The following FNIP2 variants were observed in gnomAD, a reference collection of about 807,000 sequenced individuals.
FNIP2 encodes the protein folliculin-interacting protein 2.
FNIP2 carries 32 observed loss-of-function variants against 108.7 expected under a neutral mutation model. The observed-to-expected ratio is 0.29, with a 90% CI of 0.22 to 0.40. The LOEUF (loss-of-function observed/expected upper bound fraction) is 0.40. FNIP2 is among the 10% of genes least tolerant of loss of function. FNIP2 has a pLI of 1.00. For synonymous variants in FNIP2, 480 were observed against 496.7 expected (o/e 0.97, Z 0.45); for missense variants, 1,202 against 1,381.6 (o/e 0.87, Z 2.06).
At chr4:158,873,218 CT>C in intron 14 of FNIP2, among the ~76,000 whole-genome samples, 1 of 151,550 alleles carries the variant, frequency 6.6e-6, no homozygotes, top group African/African-American at 2.4e-5. Context: ...TTTCAGCAGG[CT>C]TTGGTACTCA....
chr4:158,861,772 G>A lies in FNIP2; in HGVS notation c.1461G>A (p.Gln487=), dbSNP rs1365527883. ...KTHPYNPLWA[Q]LGDLYGAIGS... ...ATCCGTATAATCCTCTTTGGGCACAGCTGGGTTAGTACCTAATTTGACTAT... is the reference window on the plus strand; with the variant it reads ...ATCCGTATAATCCTCTTTGGGCACAACTGGGTTAGTACCTAATTTGACTAT... The change falls in exon 12 of 17, where the codon CAG becomes CAA. Residue 487 remains glutamine, a synonymous_variant. Coordinates refer to ENST00000264433, the MANE Select transcript of FNIP2 (RefSeq NM_020840.3). 1 of 1,613,980 alleles carries A rather than the reference G, an allele frequency of 6.2e-7. No individual in the cohort carries two copies.
intron 7 of FNIP2, among the ~76,000 whole-genome samples, chr4:158,839,396 T>A (rs866655280): frequency 1.3e-5 from 2 of 152,046 alleles, no homozygotes; most frequent in South Asian, 4.2e-4. Context: ...GTCTTGCTTG[T>A]CCCTAAGCTG....
intron 1 of FNIP2, among the ~76,000 whole-genome samples, chr4:158,776,594 T>A (rs10003054): frequency 0.36 from 55,298 of 152,162 alleles, 10,514 homozygotes; most frequent in Middle Eastern, 0.47. Flanking sequence ...TAAAGATAGT[T>A]ACAAAAATAC....
intron 3 of FNIP2, among the ~76,000 whole-genome samples, chr4:158,829,897 A>G (rs1778371888): frequency 6.6e-6 from 1 of 152,224 alleles, no homozygotes; most frequent in East Asian, 1.9e-4. Flanking sequence ...TTTTGCTGGA[A>G]AAACAATACT....
chr4:158,878,630 G>A lies in FNIP2; in HGVS notation c.2949+8161G>A, dbSNP rs576248576. Among the ~76,000 whole-genome samples the A allele has an allele frequency of 2.0e-5, 3 of 152,254 alleles. No individual in the cohort carries two copies. In the South Asian group the frequency reaches 6.2e-4, roughly 32 times the overall value. On this transcript the variant is annotated intron_variant, in intron 14 of 16. Transcript: ENST00000264433. ...GCTTATGAGACGCATATAGGAAAATGAAACATAGCTCCAGTAAGATAGGCC... is the reference window on the plus strand; with the variant it reads ...GCTTATGAGACGCATATAGGAAAATAAAACATAGCTCCAGTAAGATAGGCC...
chr4:158,837,294 T>G (rs1291564823), intron 7 of FNIP2, among the ~76,000 whole-genome samples: 1 of 152,178 alleles, frequency 6.6e-6, no homozygotes, highest in African/African-American at 2.4e-5. Context: ...GCTCTTTAGC[T>G]CTCTGTGAAA....
intron 7 of FNIP2, among the ~76,000 whole-genome samples, chr4:158,837,974 G>A (rs73858591): frequency 0.066 from 10,118 of 152,256 alleles, 429 homozygotes; most frequent in African/African-American, 0.12. Flanking sequence ...AGAAGTCACA[G>A]AGTCCACGTC....
chr4:158,872,731 A>AGT (rs201513782), intron 14 of FNIP2: 626 of 957,436 alleles, frequency 6.5e-4, no homozygotes, highest in African/African-American at 3.1e-3. Context: ...GGTCTATGGT[A>AGT]GTGTTTTTTT....
chr4:158,882,010 GTC>G (rs1781674817), intron 14 of FNIP2, among the ~76,000 whole-genome samples: 1 of 150,592 alleles, frequency 6.6e-6, no homozygotes, highest in South Asian at 2.1e-4. Flanking sequence ...AGTGAGGAGT[GTC>G]TCTGCCCAGT....
chr4:158,881,295 C>T lies in FNIP2; in HGVS notation c.2950-10151C>T, dbSNP rs181221856. 2.8e-3 allele frequency among the ~76,000 whole-genome samples: 413 copies of T among 145,460 alleles called. 5 individuals are homozygous for T. Among genetic ancestry groups the T allele is most frequent in the African/African-American group, 9.9e-3 (384 of 38,746 alleles). On this transcript the variant is annotated intron_variant, in intron 14 of 16. Transcript: ENST00000264433. ...CGTTCTCCCTCTCCCTCTCTTTCCA[C>T]GGTCTCCCTCCCTCTCTCTTTCCAC...
intron 1 of FNIP2, among the ~76,000 whole-genome samples, chr4:158,784,663 G>A (rs1267570630): frequency 2.0e-5 from 3 of 152,070 alleles, no homozygotes; most frequent in Non-Finnish European, 4.4e-5. Flanking sequence ...TAGCTCCCTC[G>A]CGTGCGCAGT....
chr4:158,778,659 A>G (rs1158920125), intron 1 of FNIP2, among the ~76,000 whole-genome samples: 1 of 152,204 alleles, frequency 6.6e-6, no homozygotes, highest in Non-Finnish European at 1.5e-5. Flanking sequence ...ACTGTGCCTA[A>G]TTTATAAATT....
intron 8 of FNIP2, among the ~76,000 whole-genome samples, chr4:158,857,632 GTCTATC>G (rs982026868): frequency 7.9e-5 from 12 of 152,154 alleles, no homozygotes; most frequent in African/African-American, 2.9e-4. Context: ...AGAATAAGAT[GTCTATC>G]TCCTTTCCTT....
intron 9 of FNIP2, among the ~76,000 whole-genome samples, 158 bp from the exon 10 acceptor site, chr4:158,859,420 G>A (rs2126674476): frequency 6.6e-6 from 1 of 152,342 alleles, no homozygotes; most frequent in East Asian, 1.9e-4. Context: ...CAGATACTGG[G>A]TTACCTTAGG....
chr4:158,809,285 C>G (rs1373666519), intron 1 of FNIP2, among the ~76,000 whole-genome samples: 1 of 152,076 alleles, frequency 6.6e-6, no homozygotes, highest in African/African-American at 2.4e-5. Context: ...ATGGTGAAAC[C>G]CCATCTTTAC....
chr4:158,856,441 A>T (rs1779986980), intron 8 of FNIP2, among the ~76,000 whole-genome samples: 1 of 152,240 alleles, frequency 6.6e-6, no homozygotes, highest in South Asian at 2.1e-4. Context: ...ATAAATGATT[A>T]TCGATAAGTG....
chr4:158,882,386 C>T (rs1285190756), intron 14 of FNIP2, among the ~76,000 whole-genome samples: 4 of 149,802 alleles, frequency 2.7e-5, no homozygotes, highest in South Asian at 2.1e-4. Context: ...AGGTGGGGGG[C>T]GCCTCCGCCC....
At chr4:158,818,981 G>A (rs1012774765) in intron 1 of FNIP2, among the ~76,000 whole-genome samples, 1 of 152,202 alleles carries the variant, frequency 6.6e-6, no homozygotes, top group Non-Finnish European at 1.5e-5. Context: ...ACCCAACTGT[G>A]TGGACTTGAC....
intron 1 of FNIP2, among the ~76,000 whole-genome samples, chr4:158,788,272 G>A (rs1776288037): frequency 6.6e-6 from 1 of 152,182 alleles, no homozygotes; most frequent in Non-Finnish European, 1.5e-5. Context: ...ATTGCACTGA[G>A]CACTCTGTCC....
Sources: gnomAD v4.1 joint callset for allele counts (sites outside exome capture counted in the v4.1 genomes callset) on GRCh38, gnomAD v4.1.1 for gene constraint, MANE v1.5 for transcripts, NCBI Gene and HGNC (gene_info 2026-07-23, HGNC 2026-07-21) for gene names.